ROCK2: variants seen among roughly 807,000 people sequenced by gnomAD.
The protein encoded by ROCK2 is Rho associated coiled-coil containing protein kinase 2.
Under a neutral mutation model 195.1 loss-of-function variants are expected in ROCK2, and 61 were observed. That is an observed-to-expected ratio of 0.31 (90% CI 0.25 to 0.39). The LOEUF (loss-of-function observed/expected upper bound fraction) is 0.39. Among genes scored for constraint, ROCK2 ranks in the 10% least tolerant of loss-of-function variants. The pLI is 1.00. For missense variants in ROCK2, 1,109 were observed against 1,637.4 expected, an observed-to-expected ratio of 0.68 and a Z score of 5.57; for synonymous variants, 504 against 545.5, an observed-to-expected ratio of 0.92 and a Z score of 1.06.
At chr2:11,209,640 T>C (rs570903413) in intron 18 of ROCK2, among the ~76,000 whole-genome samples, 1 of 152,344 alleles carries the variant, frequency 6.6e-6, no homozygotes, top group South Asian at 2.1e-4. Flanking sequence ...CCAAGTGATT[T>C]CAGTGTTAAA....
At position 11,249,906 on chromosome 2, in the gene ROCK2, T is replaced by C. The variant is rs371005405; in HGVS notation, c.325-108A>G. Reference sequence around the variant, plus strand: ...AAAGACTTCAGTTACAAAAAAATGGTCCTTAGCTAATAAAAAGTAAAAGCA... The same window carrying C: ...AAAGACTTCAGTTACAAAAAAATGGCCCTTAGCTAATAAAAAGTAAAAGCA... On this transcript the variant is annotated intron_variant, in intron 3 of 32. Coordinates refer to ENST00000315872, the MANE Select transcript of ROCK2 (RefSeq NM_004850.5). The C allele has an allele frequency of 4.2e-5, 38 of 898,196 alleles. No individual in the cohort carries two copies. In the East Asian group the frequency reaches 5.6e-4, roughly 13 times the overall value. 55.6% of individuals were successfully genotyped at this position (898,196 alleles called of 1,614,324 possible). A position where few individuals can be genotyped will look rare whatever the true frequency, so the allele number is the denominator to read the frequency against.
chr2:11,227,468 C>CATTG, intron 5 of ROCK2, 70 bp from the exon 6 acceptor site: 6 of 1,348,512 alleles, frequency 4.4e-6, no homozygotes, highest in Non-Finnish European at 5.1e-6. Context: ...TGCAATGAAT[C>CATTG]CATTTATTAC....
At position 11,180,071 on chromosome 2, in the gene ROCK2, T is replaced by C. The variant is rs953676694; in HGVS notation, c.*3366A>G. The C allele has an allele frequency of 3.3e-5, 5 of 151,926 alleles. No individual in the cohort carries two copies. Among genetic ancestry groups the C allele is most frequent in the Non-Finnish European group, 7.4e-5 (5 of 68,006 alleles). The allele number at this position is 151,926 out of a possible 1,614,324, so 9.4% of individuals were successfully genotyped here. Reference sequence around the variant, plus strand: ...GCTTACAAATGGTGTCTTCACAGCATAGGGAAGCTGAAGCCTTATTCCAGG... The same window carrying C: ...GCTTACAAATGGTGTCTTCACAGCACAGGGAAGCTGAAGCCTTATTCCAGG... On this transcript the variant is annotated 3_prime_UTR_variant, in exon 33 of 33. Transcript: ENST00000315872.
At chr2:11,247,042 T>A (rs1665641056) in intron 4 of ROCK2, among the ~76,000 whole-genome samples, 1 of 152,240 alleles carries the variant, frequency 6.6e-6, no homozygotes, top group Non-Finnish European at 1.5e-5. Flanking sequence ...TAAGTGTTGA[T>A]ACATGCTATA....
intron 3 of ROCK2, among the ~76,000 whole-genome samples, chr2:11,285,703 T>C (rs1229626596): frequency 3.9e-5 from 6 of 152,090 alleles, no homozygotes; most frequent in Non-Finnish European, 8.8e-5. Context: ...GGCACATGCC[T>C]ATAGTCCCAG....
intron 1 of ROCK2, among the ~76,000 whole-genome samples, chr2:11,296,350 G>T (rs1460705889): frequency 6.6e-6 from 1 of 152,062 alleles, no homozygotes; most frequent in East Asian, 1.9e-4. Context: ...AAACAGTTTG[G>T]TCATATTCAC....
intron 3 of ROCK2, among the ~76,000 whole-genome samples, chr2:11,251,366 C>A (rs910455671): frequency 6.6e-6 from 1 of 152,208 alleles, no homozygotes; most frequent in African/African-American, 2.4e-5. Context: ...TTGGCATGTG[C>A]CAGGCACTGT....
In ROCK2 at chr2:11,330,566, T is replaced by A. The variant is rs187191856; in HGVS notation, c.141+13430A>T. 2.4e-4 allele frequency among the ~76,000 whole-genome samples: 36 copies of A among 152,258 alleles called. No homozygotes were observed. In the East Asian group the frequency reaches 6.8e-3, roughly 29 times the overall value. The stretch of plus-strand genomic sequence containing the variant: ...ACAACTGTGCTAATACACTTTCTTT[T>A]CCTTTTGGTTTTAAAACGAAAAACT... On this transcript the variant is annotated intron_variant, in intron 1 of 32. Coordinates refer to ENST00000315872, the MANE Select transcript of ROCK2 (RefSeq NM_004850.5).
At chr2:11,262,049 G>A (rs560457188) in intron 3 of ROCK2, among the ~76,000 whole-genome samples, 8 of 152,250 alleles carry the variant, frequency 5.3e-5, no homozygotes, top group African/African-American at 1.9e-4. Context: ...CTCCACCACA[G>A]ACAAATGGAA....
rs1662985268 is a variant in ROCK2 at position 11,181,407 on chromosome 2, G to C, written c.*2030C>G. ...AGAGCTGCAGAACACACCTGCAAAG[G>C]AAACGGCATGCACGTCTAGTCTGAG... On this transcript the variant is annotated 3_prime_UTR_variant, in exon 33 of 33. Transcript: ENST00000315872. 1.3e-5 allele frequency: 2 copies of C among 151,700 alleles called. No individual in the cohort carries two copies. Among genetic ancestry groups the C allele is most frequent in the Non-Finnish European group, 2.9e-5 (2 of 67,960 alleles). 9.4% of individuals were successfully genotyped at this position (151,700 alleles called of 1,614,324 possible). A position where few individuals can be genotyped will look rare whatever the true frequency, so the allele number is the denominator to read the frequency against.
intron 1 of ROCK2, among the ~76,000 whole-genome samples, chr2:11,324,493 C>T (rs1222334514): frequency 6.6e-6 from 1 of 152,194 alleles, no homozygotes. Flanking sequence ...ACATTTATAG[C>T]AGCTTTATAC....
chr2:11,257,589 T>TA (rs1666081214), intron 3 of ROCK2, among the ~76,000 whole-genome samples: 1 of 151,262 alleles, frequency 6.6e-6, no homozygotes, highest in African/African-American at 2.5e-5. Context: ...GAAGAGCCCT[T>TA]AAAGGATATT....
rs1403722304 is a variant in ROCK2 at position 11,179,922 on chromosome 2, AC to A, written c.*3514del. The A allele has an allele frequency of 6.6e-6, 1 of 152,182 alleles. No homozygotes were observed. Among genetic ancestry groups the A allele is most frequent in the Non-Finnish European group, 1.5e-5 (1 of 68,026 alleles). 9.4% of individuals were successfully genotyped at this position (152,182 alleles called of 1,614,324 possible). On this transcript the variant is annotated 3_prime_UTR_variant, in exon 33 of 33. Transcript: ENST00000315872. Reference sequence around the variant, plus strand: ...TGATCAAATATTTATAATTTTCTAAACCATGCAGTTCATTACTTATTACAAT... The same window carrying A: ...TGATCAAATATTTATAATTTTCTAAACATGCAGTTCATTACTTATTACAAT...
At chr2:11,227,086 T>C (rs1209786854) in intron 6 of ROCK2, among the ~76,000 whole-genome samples, 168 bp downstream of exon 6, 1 of 152,136 alleles carries the variant, frequency 6.6e-6, no homozygotes, top group Non-Finnish European at 1.5e-5. Context: ...TTGGTATTAA[T>C]TTTCCAATTA....
Position 11,197,081 on chromosome 2 carries a change from T to G in ROCK2, c.3448+99A>C. 1.4e-6 allele frequency: 1 copy of G among 723,948 alleles called. No individual in the cohort carries two copies. Among genetic ancestry groups the G allele is most frequent in the Non-Finnish European group, 2.1e-6 (1 of 481,302 alleles). 44.8% of individuals were successfully genotyped at this position (723,948 alleles called of 1,614,324 possible). A position where few individuals can be genotyped will look rare whatever the true frequency, so the allele number is the denominator to read the frequency against. On this transcript the variant is annotated intron_variant, in intron 27 of 32. Transcript: ENST00000315872. The surrounding 1 kb of genome is among the most constrained non-coding windows in gnomAD (Gnocchi z 4.9). ...AGGAGTAGGTTTTCCCTTAAAGAAATTACAAACATTTTTCCTTCAGAGCAG... is the reference window on the plus strand; with the variant it reads ...AGGAGTAGGTTTTCCCTTAAAGAAAGTACAAACATTTTTCCTTCAGAGCAG...
At chr2:11,334,162 T>C (rs1437488679) in intron 1 of ROCK2, among the ~76,000 whole-genome samples, 1 of 152,182 alleles carries the variant, frequency 6.6e-6, no homozygotes, top group East Asian at 1.9e-4. Flanking sequence ...ATCTGGGAAG[T>C]ATTTTAATTA....
chr2:11,236,021 G>C, intron 4 of ROCK2, 59 bp from the exon 5 acceptor site: 1 of 1,379,758 alleles, frequency 7.2e-7, no homozygotes, highest in Admixed American at 2.7e-5. Context: ...ATCATAATCA[G>C]AACAAAAATT....
intron 1 of ROCK2, among the ~76,000 whole-genome samples, chr2:11,343,595 C>A (rs1489908807): frequency 1.5e-4 from 23 of 152,206 alleles, no homozygotes. Context: ...ACAGGGACAG[C>A]ATCAGGTTTC....
At chr2:11,316,123 T>C (rs1418878927) in intron 1 of ROCK2, among the ~76,000 whole-genome samples, 2 of 152,048 alleles carry the variant, frequency 1.3e-5, no homozygotes, top group East Asian at 3.9e-4. Context: ...CCTCAACTGG[T>C]AGCACTCCAA....
Sources: allele counts gnomAD v4.1 joint callset (sites outside exome capture counted in the v4.1 genomes callset), GRCh38; gene constraint gnomAD v4.1.1; non-coding constraint Gnocchi (gnomAD v3.1); transcripts MANE v1.5; gene names NCBI Gene and HGNC (gene_info 2026-07-23, HGNC 2026-07-21).